Variants in GALR2 observed in about 807,000 individuals in gnomAD.
GALR2 encodes the protein galanin receptor type 2.
Under a neutral mutation model 7.2 loss-of-function variants are expected in GALR2, and 5 were observed. The observed-to-expected ratio is 0.69, with a 90% CI of 0.36 to 1.45. The LOEUF (loss-of-function observed/expected upper bound fraction) is 1.45, where lower values mean the gene tolerates loss of function less well. Among genes scored for constraint, GALR2 ranks in the 40% most tolerant of loss-of-function variants. The pLI is 0.03. For missense variants in GALR2, 561 were observed against 555.7 expected (o/e 1.01, Z -0.10); for synonymous variants, 300 against 263.9 (o/e 1.14, Z -1.32).
Position 76,077,189 on chromosome 17 carries a change from G to C in GALR2, c.922G>C (p.Ala308Pro). 1 of 1,610,344 alleles carries C rather than the reference G, an allele frequency of 6.2e-7. No individual in the cohort carries two copies. The highest frequency in any genetic ancestry group is 8.5e-7 in the Non-Finnish European group (1 of 1,178,912). ...HFRKGFRTICAGLLGRAPGRA... is the reference protein window; with the variant it reads ...HFRKGFRTICPGLLGRAPGRA... ...CCGCAAAGGCTTCCGCACGATCTGC[G>C]CGGGCCTGCTGGGCCGTGCCCCAGG... Residue 308 changes from alanine (A) to proline (P), a missense_variant, in exon 2 of 2, where the codon GCG (alanine) becomes CCG (proline). Coordinates refer to ENST00000329003, the MANE Select transcript of GALR2 (RefSeq NM_003857.4).
upstream of GALR2, chr17:76,072,619 G>A (rs946522660): frequency 1.6e-5 from 23 of 1,453,606 alleles, no homozygotes; most frequent in Middle Eastern, 5.2e-4. This position sits in a 1 kb window ranked among gnomAD's most constrained non-coding sequence, Gnocchi z 4.5. Flanking sequence ...CCTTGCTGCA[G>A]CAGGGCGCCA....
In GALR2 at chr17:76,076,796, C is replaced by G; in HGVS notation, c.529C>G (p.Pro177Ala). ...SQLANLTVCH[P>A]AWSAPRRRAM... ...GCTGGCCAACCTGACCGTGTGCCAT[C>G]CCGCGTGGAGCGCCCCTCGCCGCCG... The change falls in exon 2 of 2, where the codon CCC (proline) becomes GCC (alanine). Residue 177 changes from proline to alanine, a missense_variant. Coordinates refer to ENST00000329003, the MANE Select transcript of GALR2 (RefSeq NM_003857.4). This position sits in a 1 kb window ranked among gnomAD's most constrained non-coding sequence, Gnocchi z 6.5. 2 of 1,606,002 alleles carry G rather than the reference C, an allele frequency of 1.2e-6. No homozygotes were observed. The highest frequency in any genetic ancestry group is 1.7e-6 in the Non-Finnish European group (2 of 1,179,852).
At chr17:76,072,264 C>T (rs2066858868), upstream of GALR2, 1 of 1,603,880 alleles carries the variant, frequency 6.2e-7, no homozygotes, top group South Asian at 1.1e-5. This position sits in a 1 kb window ranked among gnomAD's most constrained non-coding sequence, Gnocchi z 4.5. Context: ...CCCTCCAGTT[C>T]GACACGTAAT....
chr17:76,072,595 C>G, upstream of GALR2: 1 of 1,475,164 alleles, frequency 6.8e-7, no homozygotes, highest in Non-Finnish European at 8.9e-7. This position sits in a 1 kb window ranked among gnomAD's most constrained non-coding sequence, Gnocchi z 4.5. Flanking sequence ...GCGGCGGACT[C>G]CGCCGCCGTC....
Position 76,076,485 on chromosome 17 carries a change from C to T in GALR2, c.369-151C>T, listed in dbSNP as rs1403509306. On this transcript the variant is annotated intron_variant, in intron 1 of 1. Coordinates refer to ENST00000329003, the MANE Select transcript of GALR2 (RefSeq NM_003857.4). The surrounding 1 kb of genome is among the most constrained non-coding windows in gnomAD (Gnocchi z 6.5). ...GAGGCCCCCACCTCCGCCCTCACGC[C>T]GAGCCTCACCCCCACCTCCTCTGTG... 10 of 587,718 alleles carry T rather than the reference C, an allele frequency of 1.7e-5. No homozygotes were observed. Among genetic ancestry groups the T allele is most frequent in the Non-Finnish European group, 2.4e-5 (8 of 337,576 alleles). The allele number at this position is 587,718 out of a possible 1,614,324, so 36.4% of individuals were successfully genotyped here. A position where few individuals can be genotyped will look rare whatever the true frequency, so the allele number is the denominator to read the frequency against.
chr17:76,072,266 A>T (rs2066858919), upstream of GALR2: 1 of 1,603,606 alleles, frequency 6.2e-7, no homozygotes, highest in Non-Finnish European at 8.5e-7. The surrounding 1 kb of genome is among the most constrained non-coding windows in gnomAD (Gnocchi z 4.5). Flanking sequence ...CTCCAGTTCG[A>T]CACGTAATCA....
chr17:76,075,548 T>C lies in GALR2; in HGVS notation c.368+297T>C, dbSNP rs903092994. 2.6e-5 allele frequency among the ~76,000 whole-genome samples: 4 copies of C among 152,218 alleles called. No individual in the cohort carries two copies. The highest frequency in any genetic ancestry group is 2.6e-4 in the Admixed American group (4 of 15,274). On this transcript the variant is annotated intron_variant, in intron 1 of 1. Transcript: ENST00000329003. The surrounding 1 kb of genome is among the most constrained non-coding windows in gnomAD (Gnocchi z 5.9). ...CGCGTTTGTGCGCGTTCATCTCGCT[T>C]GAGCTTAATGCCCTCCGTGAGGGTG...
upstream of GALR2, chr17:76,072,672 T>C (rs1419066627): frequency 7.8e-7 from 1 of 1,278,026 alleles, no homozygotes; most frequent in African/African-American, 1.6e-5. The surrounding 1 kb of genome is among the most constrained non-coding windows in gnomAD (Gnocchi z 4.5). Flanking sequence ...TCATCCCGGG[T>C]CCGGAATTGT....
chr17:76,073,800 A>G (rs1338735997), upstream of GALR2, among the ~76,000 whole-genome samples: 1 of 151,654 alleles, frequency 6.6e-6, no homozygotes, highest in African/African-American at 2.4e-5. Context: ...GACACAATAG[A>G]TGCTCAGTAT....
chr17:76,074,474 G>A (rs1598274815), upstream of GALR2, among the ~76,000 whole-genome samples: 1 of 152,180 alleles, frequency 6.6e-6, no homozygotes, highest in African/African-American at 2.4e-5. The surrounding 1 kb of genome is among the most constrained non-coding windows in gnomAD (Gnocchi z 6.7). Context: ...TGCTCCCTGC[G>A]GCGCGGCGCA....
In GALR2 at chr17:76,077,332, CCCCGGCGCTT is replaced by C. The variant is rs774844174; in HGVS notation, c.1069_1078del (p.Gly357SerfsTer23). 6.4e-7 allele frequency: 1 copy of C among 1,564,554 alleles called. No individual in the cohort carries two copies. Among genetic ancestry groups the C allele is most frequent in the South Asian group, 1.2e-5 (1 of 86,458 alleles). On this transcript the variant is annotated frameshift_variant, in exon 2 of 2. Coordinates refer to ENST00000329003, the MANE Select transcript of GALR2 (RefSeq NM_003857.4). LOFTEE classifies it low-confidence loss of function (END_TRUNC). ...AGGCGGCGGGGGCCCTTCGTCCCTG[CCCCGGCGCTT>C]CCCAGCCATGCATCCTCGAGCCCTG...
chr17:76,072,656 A>G (rs1260930047), upstream of GALR2: 1 of 1,339,690 alleles, frequency 7.5e-7, no homozygotes, highest in Non-Finnish European at 9.7e-7. The surrounding 1 kb of genome is among the most constrained non-coding windows in gnomAD (Gnocchi z 4.5). Flanking sequence ...TGCGCGAGGG[A>G]TCCTGTCATC....
rs2066898226 is a variant in GALR2 at position 76,077,520 on chromosome 17, C to T, written c.*89C>T. 1 of 1,145,002 alleles carries T rather than the reference C, an allele frequency of 8.7e-7. No homozygotes were observed. Among genetic ancestry groups the T allele is most frequent in the South Asian group, 1.6e-5 (1 of 61,238 alleles). The allele number at this position is 1,145,002 out of a possible 1,614,324, so 70.9% of individuals were successfully genotyped here. A position where few individuals can be genotyped will look rare whatever the true frequency, so the allele number is the denominator to read the frequency against. ...GAGCTTTGCCTGTTAATAAAACGCACAAACCATTTCACACACAGTGACAGC... is the reference window on the plus strand; with the variant it reads ...GAGCTTTGCCTGTTAATAAAACGCATAAACCATTTCACACACAGTGACAGC... On this transcript the variant is annotated 3_prime_UTR_variant, in exon 2 of 2. Transcript: ENST00000329003.
At chr17:76,072,707 C>G, upstream of GALR2, 4 of 871,222 alleles carry the variant, frequency 4.6e-6, no homozygotes, top group South Asian at 3.8e-5. This position sits in a 1 kb window ranked among gnomAD's most constrained non-coding sequence, Gnocchi z 4.5. Flanking sequence ...GGACTTGAGG[C>G]CGCAGTGAGA....
upstream of GALR2, among the ~76,000 whole-genome samples, chr17:76,072,867 C>CG (rs1254451460): frequency 2.0e-5 from 3 of 152,338 alleles, no homozygotes; most frequent in East Asian, 5.8e-4. This position sits in a 1 kb window ranked among gnomAD's most constrained non-coding sequence, Gnocchi z 4.5. Flanking sequence ...TACTGGATTT[C>CG]GGGGTGTCTG....
Position 76,075,170 on chromosome 17 carries a change from T to C in GALR2, c.287T>C (p.Leu96Pro). The C allele has an allele frequency of 1.2e-6, 2 of 1,612,262 alleles. No individual in the cohort carries two copies. Among genetic ancestry groups the C allele is most frequent in the Non-Finnish European group, 1.7e-6 (2 of 1,179,990 alleles). ...YTLDGWVFGSLLCKAVHFLIF... is the reference protein window; with the variant it reads ...YTLDGWVFGSPLCKAVHFLIF... ...CTGGACGGCTGGGTGTTCGGCTCGCTGCTGTGCAAGGCGGTGCACTTCCTC... is the reference window on the plus strand; with the variant it reads ...CTGGACGGCTGGGTGTTCGGCTCGCCGCTGTGCAAGGCGGTGCACTTCCTC... The change falls in exon 1 of 2, where the codon CTG becomes CCG. Residue 96 changes from leucine (L) to proline (P), a missense_variant. Leu to Pro is a moderately conservative substitution (Grantham distance 98). Coordinates refer to ENST00000329003, the MANE Select transcript of GALR2 (RefSeq NM_003857.4). The surrounding 1 kb of genome is among the most constrained non-coding windows in gnomAD (Gnocchi z 5.9).
At chr17:76,072,607 G>A, upstream of GALR2, 4 of 1,464,656 alleles carry the variant, frequency 2.7e-6, no homozygotes, top group Non-Finnish European at 1.8e-6. The surrounding 1 kb of genome is among the most constrained non-coding windows in gnomAD (Gnocchi z 4.5). Flanking sequence ...GCCGCCGTCG[G>A]CCCTTGCTGC....
At chr17:76,072,251 C>T, upstream of GALR2, 3 of 1,602,212 alleles carry the variant, frequency 1.9e-6, no homozygotes, top group Non-Finnish European at 1.7e-6. This position sits in a 1 kb window ranked among gnomAD's most constrained non-coding sequence, Gnocchi z 4.5. Context: ...CTCCCGCCCC[C>T]AGCCCTCCAG....
chr17:76,077,511 T>G lies in GALR2; in HGVS notation c.*80T>G. On this transcript the variant is annotated 3_prime_UTR_variant, in exon 2 of 2. Coordinates refer to ENST00000329003, the MANE Select transcript of GALR2 (RefSeq NM_003857.4). ...CCGTGGGGAGAGCTTTGCCTGTTAA[T>G]AAAACGCACAAACCATTTCACACAC... 1 of 1,226,910 alleles carries G rather than the reference T, an allele frequency of 8.2e-7. No individual in the cohort carries two copies. The highest frequency in any genetic ancestry group is 1.1e-6 in the Non-Finnish European group (1 of 909,346). The allele number at this position is 1,226,910 out of a possible 1,614,324, so 76.0% of individuals were successfully genotyped here. A position where few individuals can be genotyped will look rare whatever the true frequency, so the allele number is the denominator to read the frequency against.
Sources: gnomAD v4.1 joint callset for allele counts (sites outside exome capture counted in the v4.1 genomes callset) on GRCh38, gnomAD v4.1.1 for gene constraint, Gnocchi (gnomAD v3.1) non-coding constraint, MANE v1.5 for transcripts, NCBI Gene and HGNC (gene_info 2026-07-23, HGNC 2026-07-21) for gene names.